LDLRAD4: variants seen among roughly 807,000 people sequenced by gnomAD.
LDLRAD4 encodes low density lipoprotein receptor class A domain containing 4, also known as low-density lipoprotein receptor class A domain-containing protein 4.
Under a neutral mutation model 17.0 loss-of-function variants are expected in LDLRAD4, and 5 were observed. The observed-to-expected ratio is 0.29, with a 90% confidence interval of 0.15 to 0.62. LDLRAD4 has a LOEUF of 0.62. LDLRAD4 is among the 20% of genes least tolerant of loss of function. The pLI is 0.84. For missense variants in LDLRAD4, 340 were observed against 424.7 expected, an observed-to-expected ratio of 0.80 and a Z score of 1.75; for synonymous variants, 168 against 171.8, an observed-to-expected ratio of 0.98 and a Z score of 0.17.
At chr18:13,594,785 T>C (rs577029717) in intron 3 of LDLRAD4, among the ~76,000 whole-genome samples, 6 of 151,812 alleles carry the variant, frequency 4.0e-5, no homozygotes, top group African/African-American at 1.4e-4. Context: ...AAAAAGAAGT[T>C]GTCTGGAGGG....
At chr18:13,573,425 A>G (rs572970279) in intron 3 of LDLRAD4, among the ~76,000 whole-genome samples, 1 of 150,542 alleles carries the variant, frequency 6.6e-6, no homozygotes, top group African/African-American at 2.5e-5. Context: ...TTTTTAGTAG[A>G]GATGAAGTTT....
intron 3 of LDLRAD4, among the ~76,000 whole-genome samples, chr18:13,609,544 T>C (rs1216963736): frequency 6.6e-6 from 1 of 152,002 alleles, no homozygotes; most frequent in Non-Finnish European, 1.5e-5. Context: ...TGTGTGTGTG[T>C]GTGTGTGTGT....
chr18:13,473,913 T>A (rs2092864655), intron 3 of LDLRAD4, among the ~76,000 whole-genome samples: 1 of 151,746 alleles, frequency 6.6e-6, no homozygotes, highest in Non-Finnish European at 1.5e-5. Context: ...GATCTGTTGC[T>A]GAATTGTAAT....
chr18:13,548,269 A>T (rs566844064), intron 3 of LDLRAD4, among the ~76,000 whole-genome samples: 1 of 133,506 alleles, frequency 7.5e-6, no homozygotes, highest in African/African-American at 2.8e-5. Flanking sequence ...GTAAGTTCTC[A>T]CTCTGGCCAG....
intron 3 of LDLRAD4, among the ~76,000 whole-genome samples, chr18:13,462,686 T>G (rs576294220): frequency 6.6e-6 from 1 of 152,166 alleles, no homozygotes; most frequent in Non-Finnish European, 1.5e-5. Context: ...CGTATATCAA[T>G]GCGGAAGGTG....
At chr18:13,249,434 A>G (rs2043124513) in intron 1 of LDLRAD4, among the ~76,000 whole-genome samples, 1 of 152,172 alleles carries the variant, frequency 6.6e-6, no homozygotes, top group Non-Finnish European at 1.5e-5. Flanking sequence ...GATAGTGGCC[A>G]TGCTAACTGG....
At chr18:13,334,133 A>G (rs2081993643) in intron 1 of LDLRAD4, among the ~76,000 whole-genome samples, 10 of 152,130 alleles carry the variant, frequency 6.6e-5, no homozygotes, top group Admixed American at 6.5e-4. Flanking sequence ...TGTTAGATTT[A>G]TGTTTAAGTA....
At chr18:13,508,664 AG>A (rs774973152) in intron 3 of LDLRAD4, among the ~76,000 whole-genome samples, 18 of 152,228 alleles carry the variant, frequency 1.2e-4, no homozygotes, top group Non-Finnish European at 2.5e-4. Context: ...ATGTATTTTT[AG>A]CCCACTGTTG....
intron 3 of LDLRAD4, among the ~76,000 whole-genome samples, chr18:13,605,947 C>T (rs1233576993): frequency 6.6e-6 from 1 of 152,120 alleles, no homozygotes; most frequent in African/African-American, 2.4e-5. Flanking sequence ...TCCAGTTCCC[C>T]AGGTCTGGGC....
chr18:13,564,162 G>A (rs978044571), intron 3 of LDLRAD4, among the ~76,000 whole-genome samples: 35 of 152,338 alleles, frequency 2.3e-4, no homozygotes, highest in African/African-American at 4.6e-4. Flanking sequence ...TATTATAGGC[G>A]TGAGTCGACA....
chr18:13,304,298 G>A (rs907533968), intron 1 of LDLRAD4, among the ~76,000 whole-genome samples: 3 of 152,228 alleles, frequency 2.0e-5, no homozygotes, highest in Non-Finnish European at 4.4e-5. Context: ...TATGGTGTGG[G>A]CAGCGTGGGG....
At chr18:13,557,453 C>T (rs761500780) in intron 3 of LDLRAD4, among the ~76,000 whole-genome samples, 5 of 152,182 alleles carry the variant, frequency 3.3e-5, no homozygotes, top group South Asian at 4.2e-4. Flanking sequence ...CAAGCTGGGG[C>T]GCAGTGATGC....
chr18:13,636,138 C>T (rs1016325196), intron 4 of LDLRAD4, among the ~76,000 whole-genome samples: 34 of 152,176 alleles, frequency 2.2e-4, no homozygotes, highest in African/African-American at 8.2e-4. Flanking sequence ...AGTGACTACA[C>T]TCACAGGAGA....
chr18:13,553,229 A>G (rs2094452018), intron 3 of LDLRAD4, among the ~76,000 whole-genome samples: 1 of 152,218 alleles, frequency 6.6e-6, no homozygotes, highest in African/African-American at 2.4e-5. Flanking sequence ...CTACAAATAA[A>G]GGTCTCCTGT....
chr18:13,276,472 A>G (rs966325965), upstream of LDLRAD4, among the ~76,000 whole-genome samples: 1 of 152,272 alleles, frequency 6.6e-6, no homozygotes, highest in African/African-American at 2.4e-5. Context: ...GGTGTTGGCC[A>G]GGCTGTGTTC....
intron 3 of LDLRAD4, 164 bp from the exon 5 acceptor site, chr18:13,620,953 C>A: frequency 1.0e-6 from 1 of 995,290 alleles, no homozygotes; most frequent in Non-Finnish European, 1.5e-6. Context: ...CGTGGTGTCT[C>A]CTTCCCTAAA....
At chr18:13,316,421 T>A (rs1286573367) in intron 1 of LDLRAD4, among the ~76,000 whole-genome samples, 3 of 152,162 alleles carry the variant, frequency 2.0e-5, no homozygotes, top group African/African-American at 7.2e-5. Context: ...CAGACAGAAC[T>A]TGTCACCAGA....
intron 1 of LDLRAD4, among the ~76,000 whole-genome samples, chr18:13,329,131 A>G (rs1215320721): frequency 6.6e-6 from 1 of 152,206 alleles, no homozygotes; most frequent in South Asian, 2.1e-4. Context: ...TTATGTACAC[A>G]TATTTTCCCG....
chr18:13,610,167 C>G (rs572156192), intron 3 of LDLRAD4, among the ~76,000 whole-genome samples: 1 of 151,050 alleles, frequency 6.6e-6, no homozygotes, highest in Non-Finnish European at 1.5e-5. Flanking sequence ...ATGTTAAATC[C>G]CAGAGCGGGC....
Sources: allele counts gnomAD v4.1 joint callset (sites outside exome capture counted in the v4.1 genomes callset), GRCh38; gene constraint gnomAD v4.1.1; transcripts MANE v1.5; gene names NCBI Gene and HGNC (gene_info 2026-07-23, HGNC 2026-07-21).